Variants in PRH1 observed in about 807,000 individuals in gnomAD.
PRH1 encodes salivary acidic proline-rich phosphoprotein 1/2.
PRH1 carries 7 observed loss-of-function variants against 7.9 expected under a neutral mutation model. The observed-to-expected ratio is 0.89, with a 90% CI of 0.50 to 1.67. PRH1 has a LOEUF of 1.67. Ranked by LOEUF, PRH1 falls within the 40% of genes most tolerant of loss-of-function variation. The probability of loss-of-function intolerance (pLI) is 0.00; values close to 1 mark genes in which losing one functional copy is unlikely to be tolerated. For synonymous variants in PRH1, 45 were observed against 80.8 expected, an observed-to-expected ratio of 0.56 and a Z score of 2.38; for missense variants, 109 against 223.6, an observed-to-expected ratio of 0.49 and a Z score of 3.27.
chr12:11,157,111 G>T (rs1048462510), intron 1 of PRH1, among the ~76,000 whole-genome samples: 1 of 151,764 alleles, frequency 6.6e-6, no homozygotes, highest in Non-Finnish European at 1.5e-5. Context: ...CTCCCAAAGT[G>T]CTGGGATTAC....
chr12:11,051,716 TTGGAACTC>T (rs1413681858), upstream of PRH1, among the ~76,000 whole-genome samples: 1 of 152,254 alleles, frequency 6.6e-6, no homozygotes, highest in Non-Finnish European at 1.5e-5. Context: ...TTTGGTCTGC[TTGGAACTC>T]TGTATAGATA....
At chr12:10,973,441 A>G (rs1271725597) in intron 2 of PRH1, 1 of 409,506 alleles carries the variant, frequency 2.4e-6, no homozygotes, top group Non-Finnish European at 4.3e-6. Flanking sequence ...TTTCATATAG[A>G]TATGAACTTA....
At chr12:11,110,725 C>T (rs1038921211) in intron 1 of PRH1, among the ~76,000 whole-genome samples, 6 of 152,254 alleles carry the variant, frequency 3.9e-5, no homozygotes, top group African/African-American at 1.4e-4. Flanking sequence ...ACCATTGGCA[C>T]TATGAAGAAA....
chr12:10,882,467 T>C lies in PRH1; in HGVS notation c.332A>G (p.Lys111Arg), dbSNP rs11054057. Reference sequence around the variant, plus strand: ...TCCCTGTTGGGGTGGTCCTTGTGGCTTTCCCTGAGGAGGTGGTGGACCTTG... The same window carrying C: ...TCCCTGTTGGGGTGGTCCTTGTGGCCTTCCCTGAGGAGGTGGTGGACCTTG... ...QQQGPPPPQG[K>R]PQGPPQQGGH... The change falls in exon 3 of 4, where the codon AAG becomes AGG. Residue 111 changes from lysine (K) to arginine (R), a missense_variant. Physicochemically the swap from Lys to Arg is conservative, Grantham distance 26. Around this residue, in one of 3 missense-constraint regions of PRH1, gnomAD observed 4 missense variants for 58.3 expected, o/e 0.07. Coordinates refer to ENST00000543626, the MANE Select transcript of PRH1 (RefSeq NM_001393989.1). The C allele has an allele frequency of 8.9e-6, 14 of 1,565,682 alleles. No individual in the cohort carries two copies. The highest frequency in any genetic ancestry group is 1.0e-5 in the Non-Finnish European group (12 of 1,155,714).
chr12:11,148,431 A>G, intron 1 of PRH1, among the ~76,000 whole-genome samples: 3 of 142,218 alleles, frequency 2.1e-5, no homozygotes, highest in Non-Finnish European at 4.7e-5. Flanking sequence ...GGTCTGTCAT[A>G]GATAGCTCTT....
intron 1 of PRH1, among the ~76,000 whole-genome samples, chr12:11,016,797 A>T (rs1004912450): frequency 1.6e-4 from 24 of 152,196 alleles, no homozygotes; most frequent in African/African-American, 5.1e-4. Flanking sequence ...TGACCTGTAG[A>T]GTCAGGGACA....
At chr12:10,891,259 T>G (rs1351459732) in intron 2 of PRH1, among the ~76,000 whole-genome samples, 2 of 152,224 alleles carry the variant, frequency 1.3e-5, no homozygotes, top group African/African-American at 4.8e-5. Context: ...AGCATCTGAA[T>G]GTAACAACTT....
chr12:11,134,368 T>C, intron 1 of PRH1: 2 of 1,158,606 alleles, frequency 1.7e-6, no homozygotes, highest in Non-Finnish European at 1.2e-6. Context: ...ACATTCTTTT[T>C]ACTTTTAATT....
At chr12:10,976,226 T>G (rs971022454) in intron 1 of PRH1, among the ~76,000 whole-genome samples, 2 of 152,170 alleles carry the variant, frequency 1.3e-5, no homozygotes, top group Admixed American at 6.6e-5. Context: ...GTCACGTTCT[T>G]GGACCACAGC....
chr12:11,160,143 T>C (rs1947370001), intron 1 of PRH1, among the ~76,000 whole-genome samples: 1 of 152,190 alleles, frequency 6.6e-6, no homozygotes, highest in Non-Finnish European at 1.5e-5. Context: ...TATCTTAAAT[T>C]TTGAATAGAA....
At chr12:11,027,256 C>A (rs891876285) in intron 1 of PRH1, among the ~76,000 whole-genome samples, 1 of 150,070 alleles carries the variant, frequency 6.7e-6, no homozygotes. Context: ...CAGAATGAGA[C>A]CCTGTCTCAA....
At chr12:11,126,578 CAT>C (rs1491371304) in intron 1 of PRH1, among the ~76,000 whole-genome samples, 1 of 142,928 alleles carries the variant, frequency 7.0e-6, no homozygotes, top group Non-Finnish European at 1.6e-5. Context: ...CAGTGATATG[CAT>C]GTGTGTGTAT....
At chr12:11,147,802 G>T (rs1399354151) in intron 1 of PRH1, among the ~76,000 whole-genome samples, 1 of 152,196 alleles carries the variant, frequency 6.6e-6, no homozygotes, top group Non-Finnish European at 1.5e-5. Flanking sequence ...GAACTTTAAA[G>T]TAGTTTTCCA....
intron 2 of PRH1, among the ~76,000 whole-genome samples, chr12:10,899,239 T>G (rs977367604): frequency 2.6e-5 from 4 of 152,044 alleles, no homozygotes; most frequent in Admixed American, 2.6e-4. Flanking sequence ...TGCAGCAACG[T>G]GTTAAGAATT....
chr12:11,049,759 T>C (rs1427221189), upstream of PRH1, among the ~76,000 whole-genome samples: 1 of 152,178 alleles, frequency 6.6e-6, no homozygotes, highest in Non-Finnish European at 1.5e-5. Flanking sequence ...AATACCAATA[T>C]GGTTTGTTTA....
chr12:11,121,916 G>A lies in PRH1; in HGVS notation n.40-736C>T, dbSNP rs561288926. Among the ~76,000 whole-genome samples the A allele has an allele frequency of 9.3e-4, 142 of 152,262 alleles. 1 individual carries two copies. The highest frequency in any genetic ancestry group is 1.9e-3 in the Non-Finnish European group (128 of 68,000). ...GTGGTACAAATTACAATGGAAAACA[G>A]CAATAATTTGCTGATAAAAGCTATA... On this transcript the variant is annotated intron_variant and non_coding_transcript_variant, in intron 1 of 1. Transcript: ENST00000541175.
intron 1 of PRH1, among the ~76,000 whole-genome samples, chr12:11,110,922 G>C (rs1254231834): frequency 1.3e-5 from 2 of 152,098 alleles, no homozygotes; most frequent in East Asian, 3.9e-4. Context: ...CATGTGCAAA[G>C]ACACAAATAG....
chr12:11,048,470 G>A (rs574994316), upstream of PRH1: 4 of 396,460 alleles, frequency 1.0e-5, no homozygotes, highest in South Asian at 1.8e-4. Context: ...GTTTGGTAAA[G>A]CAGGAATACA....
chr12:11,058,553 A>T (rs1239455308), intron 1 of PRH1, among the ~76,000 whole-genome samples: 2 of 152,282 alleles, frequency 1.3e-5, no homozygotes, highest in African/African-American at 4.8e-5. Flanking sequence ...GCTCTGACTC[A>T]TTAATGAAGT....
Sources: gnomAD v4.1 joint callset for allele counts (sites outside exome capture counted in the v4.1 genomes callset) on GRCh38, gnomAD v4.1.1 for gene constraint, gnomAD v4.1.1 regional missense constraint, MANE v1.5 for transcripts, NCBI Gene and HGNC (gene_info 2026-07-23, HGNC 2026-07-21) for gene names.